PRDM16: variants seen among roughly 807,000 people sequenced by gnomAD.
PRDM16 encodes histone-lysine N-methyltransferase PRDM16.
PRDM16 carries 23 observed loss-of-function variants against 110.6 expected under a neutral mutation model. The ratio of observed to expected loss-of-function variants is 0.21; its 90% CI spans 0.15 to 0.29. The LOEUF (loss-of-function observed/expected upper bound fraction) is 0.29. Among genes scored for constraint, PRDM16 ranks in the 10% least tolerant of loss-of-function variants. The probability of loss-of-function intolerance (pLI) is 1.00; values close to 1 mark genes in which losing one functional copy is unlikely to be tolerated. For missense variants in PRDM16, 1,615 were observed against 1,794.3 expected, an observed-to-expected ratio of 0.90 and a Z score of 1.81; for synonymous variants, 799 against 781.8, an observed-to-expected ratio of 1.02 and a Z score of -0.37.
chr1:3,191,406 C>A (rs1638306960), intron 2 of PRDM16, among the ~76,000 whole-genome samples: 1 of 152,198 alleles, frequency 6.6e-6, no homozygotes, highest in Non-Finnish European at 1.5e-5. Context: ...AAGCCGGTGC[C>A]TCCTGGGTCC....
chr1:3,148,151 G>GGGGAT lies in PRDM16; in HGVS notation c.38-37971_38-37970insATGGG, dbSNP rs1427771046. 1.3e-5 allele frequency among the ~76,000 whole-genome samples: 2 copies of GGGGAT among 152,140 alleles called. No individual in the cohort carries two copies. Among genetic ancestry groups the GGGGAT allele is most frequent in the African/African-American group, 4.8e-5 (2 of 41,428 alleles). On this transcript the variant is annotated intron_variant, in intron 1 of 16. Coordinates refer to ENST00000270722, the MANE Select transcript of PRDM16 (RefSeq NM_022114.4). This position sits in a 1 kb window ranked among gnomAD's most constrained non-coding sequence, Gnocchi z 5.0. Reference sequence around the variant, plus strand: ...TGGGCATCAGGACGGTTTTGTGGGAGGGGCTGGGCTGAGAGGTGGGAAGGA... The same window carrying GGGGAT: ...TGGGCATCAGGACGGTTTTGTGGGAGGGGATGGGCTGGGCTGAGAGGTGGGAAGGA...
At chr1:3,305,180 T>C (rs1256435257) in intron 3 of PRDM16, among the ~76,000 whole-genome samples, 1 of 152,194 alleles carries the variant, frequency 6.6e-6, no homozygotes, top group Non-Finnish European at 1.5e-5. Flanking sequence ...TGTGGTCCTT[T>C]TGTTCAAGAA....
chr1:3,432,160 C>G lies in PRDM16; in HGVS notation c.3696+20C>G, dbSNP rs372908286. Reference sequence around the variant, plus strand: ...AACCAGGTAGGTACCCGCCAGAGCCCCTCCCCCACCCCACCTGGCCTCCTC... The same window carrying G: ...AACCAGGTAGGTACCCGCCAGAGCCGCTCCCCCACCCCACCTGGCCTCCTC... On this transcript the variant is annotated intron_variant, in intron 16 of 16. Transcript: ENST00000270722. 1 of 1,606,010 alleles carries G rather than the reference C, an allele frequency of 6.2e-7. No individual in the cohort carries two copies. Among genetic ancestry groups the G allele is most frequent in the Admixed American group, 1.7e-5 (1 of 59,776 alleles).
intron 1 of PRDM16, among the ~76,000 whole-genome samples, chr1:3,146,021 G>A (rs545365049): frequency 5.3e-5 from 8 of 152,294 alleles, no homozygotes; most frequent in South Asian, 2.1e-4. Context: ...CCTGGGCCCC[G>A]TTAGGGACGC....
chr1:3,234,474 C>T (rs1331125914), intron 2 of PRDM16, among the ~76,000 whole-genome samples: 2 of 152,208 alleles, frequency 1.3e-5, no homozygotes, highest in East Asian at 3.9e-4. Flanking sequence ...CCCTGTGCCT[C>T]GAGGCCCAGG....
intron 3 of PRDM16, among the ~76,000 whole-genome samples, chr1:3,329,143 C>T (rs962531625): frequency 1.2e-4 from 19 of 152,248 alleles, no homozygotes; most frequent in African/African-American, 4.6e-4. Flanking sequence ...AGGGAAGGCA[C>T]CAACCACATC....
chr1:3,400,979 G>A (rs1643458718), intron 5 of PRDM16, among the ~76,000 whole-genome samples: 1 of 152,150 alleles, frequency 6.6e-6, no homozygotes, highest in Non-Finnish European at 1.5e-5. Context: ...CAAGGGGTGG[G>A]TGGGTGCGTG....
At chr1:3,268,516 TGGGCAACAGTGGGCAGCCTGGCA>T (rs1640352495) in intron 3 of PRDM16, among the ~76,000 whole-genome samples, 1 of 152,138 alleles carries the variant, frequency 6.6e-6, no homozygotes, top group South Asian at 2.1e-4. Flanking sequence ...GCGAGGCTCA[TGGGCAACAGTGGGCAGCCTGGCA>T]GGCCCTGGCA....
At position 3,246,598 on chromosome 1, in the gene PRDM16, A is replaced by G. The variant is rs1324854050; in HGVS notation, c.438+2461A>G. Among the ~76,000 whole-genome samples the G allele has an allele frequency of 6.6e-6, 1 of 152,194 alleles. No individual in the cohort carries two copies. The highest frequency in any genetic ancestry group is 1.5e-5 in the Non-Finnish European group (1 of 68,024). On this transcript the variant is annotated intron_variant, in intron 3 of 16. Transcript: ENST00000270722. The surrounding 1 kb of genome is among the most constrained non-coding windows in gnomAD (Gnocchi z 5.2). ...GGGGGCTGCCTGGAGGAGGCACCCAAGTCCTCAGGCACAGCTCCACCAGAG... is the reference window on the plus strand; with the variant it reads ...GGGGGCTGCCTGGAGGAGGCACCCAGGTCCTCAGGCACAGCTCCACCAGAG...
rs1028023373 is a variant in PRDM16 at position 3,437,535 on chromosome 1, C to T, written c.*3724C>T. 4.4e-6 allele frequency: 1 copy of T among 228,550 alleles called. No homozygotes were observed. The highest frequency in any genetic ancestry group is 8.7e-6 in the Non-Finnish European group (1 of 115,220). The allele number at this position is 228,550 out of a possible 1,614,324, so 14.2% of individuals were successfully genotyped here. A position where few individuals can be genotyped will look rare whatever the true frequency, so the allele number is the denominator to read the frequency against. On this transcript the variant is annotated 3_prime_UTR_variant, in exon 17 of 17. Transcript: ENST00000270722. ...CAGCCTTGTGGGGGAGGGCAAGGCT[C>T]TCCTCCCAGCCAGGGACGCCAGGAC...
At chr1:3,277,224 G>A (rs979527345) in intron 3 of PRDM16, among the ~76,000 whole-genome samples, 1 of 152,178 alleles carries the variant, frequency 6.6e-6, no homozygotes, top group Non-Finnish European at 1.5e-5. Flanking sequence ...GGACGTGGCC[G>A]GCCCCATGCC....
chr1:3,356,869 C>A (rs748832924), intron 3 of PRDM16, among the ~76,000 whole-genome samples: 9 of 152,176 alleles, frequency 5.9e-5, no homozygotes, highest in African/African-American at 9.7e-5. Context: ...CCCTCAGAAC[C>A]CAGGTGCCGG....
chr1:3,131,016 G>A (rs187140722), intron 1 of PRDM16, among the ~76,000 whole-genome samples: 93 of 152,198 alleles, frequency 6.1e-4, no homozygotes, highest in Non-Finnish European at 9.1e-4. Flanking sequence ...CGTGCAGACC[G>A]CGGGAGGGAC....
At chr1:3,352,591 G>A (rs933099479) in intron 3 of PRDM16, among the ~76,000 whole-genome samples, 3 of 152,186 alleles carry the variant, frequency 2.0e-5, no homozygotes, top group African/African-American at 4.8e-5. Flanking sequence ...ATAGGCCTGC[G>A]GGCCTGACCA....
chr1:3,426,856 T>C, intron 14 of PRDM16, among the ~76,000 whole-genome samples: 1 of 152,206 alleles, frequency 6.6e-6, no homozygotes, highest in East Asian at 1.9e-4. Flanking sequence ...GGCTGTGGTC[T>C]GGGCATGGGC....
intron 2 of PRDM16, among the ~76,000 whole-genome samples, chr1:3,219,502 A>AG (rs1009717632): frequency 1.3e-5 from 2 of 152,172 alleles, no homozygotes; most frequent in Non-Finnish European, 2.9e-5. Flanking sequence ...AGGAGAGCGC[A>AG]GGGGGCTGGC....
At chr1:3,234,471 C>T (rs1236780244) in intron 2 of PRDM16, among the ~76,000 whole-genome samples, 1 of 152,240 alleles carries the variant, frequency 6.6e-6, no homozygotes, top group Non-Finnish European at 1.5e-5. Flanking sequence ...GGACCCTGTG[C>T]CTCGAGGCCC....
chr1:3,276,772 C>T (rs1640595255), intron 3 of PRDM16, among the ~76,000 whole-genome samples: 1 of 102,702 alleles, frequency 9.7e-6, no homozygotes, highest in African/African-American at 5.6e-5. Context: ...CAGCGCCAGC[C>T]GCCTTGTAAA....
chr1:3,417,815 C>G lies in PRDM16; in HGVS notation c.2692-13C>G. The stretch of plus-strand genomic sequence containing the variant: ...TCAGCTGAGTCCATAACCTCCCACT[C>G]TTATGCCTACAGATGTCAGCCATAG... On this transcript the variant is annotated splice_polypyrimidine_tract_variant and intron_variant, in intron 10 of 16. Transcript: ENST00000270722. The G allele has an allele frequency of 6.2e-7, 1 of 1,613,102 alleles. No individual in the cohort carries two copies. The highest frequency in any genetic ancestry group is 8.5e-7 in the Non-Finnish European group (1 of 1,179,362).
Sources: gnomAD v4.1 joint callset for allele counts (sites outside exome capture counted in the v4.1 genomes callset) on GRCh38, gnomAD v4.1.1 for gene constraint, Gnocchi (gnomAD v3.1) non-coding constraint, MANE v1.5 for transcripts, NCBI Gene and HGNC (gene_info 2026-07-23, HGNC 2026-07-21) for gene names.